The following CTNND2 variants were observed in gnomAD, a reference collection of about 807,000 sequenced individuals.
CTNND2 encodes the protein catenin delta 2.
In CTNND2, 22 loss-of-function variants were observed where a neutral mutation model predicts 144.4. The ratio of observed to expected loss-of-function variants is 0.15; its 90% confidence interval spans 0.11 to 0.22. The LOEUF is 0.22. CTNND2 is among the 10% of genes least tolerant of loss of function. The pLI, the probability that CTNND2 is intolerant of heterozygous loss-of-function variation, is 1.00. For missense variants in CTNND2, 1,353 were observed against 1,618.8 expected (o/e 0.84, Z 2.82); for synonymous variants, 751 against 695.6 (o/e 1.08, Z -1.25).
intron 16 of CTNND2, among the ~76,000 whole-genome samples, chr5:11,061,716 C>CT (rs562338338): frequency 2.4e-4 from 36 of 148,678 alleles, no homozygotes; most frequent in Admixed American, 6.1e-4. Flanking sequence ...TTTTCTTTCT[C>CT]TTTTTTTTTT....
intron 9 of CTNND2, among the ~76,000 whole-genome samples, chr5:11,331,191 T>A (rs1483069228): frequency 6.6e-6 from 1 of 152,212 alleles, no homozygotes; most frequent in African/African-American, 2.4e-5. Context: ...TATAGCAGAC[T>A]TCTTTGTCAA....
chr5:11,132,400 C>G (rs749825587), intron 12 of CTNND2, among the ~76,000 whole-genome samples: 1 of 152,186 alleles, frequency 6.6e-6, no homozygotes, highest in African/African-American at 2.4e-5. Context: ...TTACTGAGGA[C>G]TTTGGGAGAT....
At chr5:11,141,183 G>A (rs2149734806) in intron 12 of CTNND2, among the ~76,000 whole-genome samples, 1 of 152,298 alleles carries the variant, frequency 6.6e-6, no homozygotes, top group South Asian at 2.1e-4. Context: ...TGAGCTCTTG[G>A]ACTCAAGCAA....
At chr5:11,451,629 C>T (rs942304749) in intron 3 of CTNND2, among the ~76,000 whole-genome samples, 1 of 152,092 alleles carries the variant, frequency 6.6e-6, no homozygotes, top group Non-Finnish European at 1.5e-5. Flanking sequence ...CCAAGCATTT[C>T]GGATAAATGA....
intron 16 of CTNND2, among the ~76,000 whole-genome samples, chr5:11,039,789 C>T (rs923855239): frequency 6.6e-6 from 1 of 152,116 alleles, no homozygotes; most frequent in African/African-American, 2.4e-5. Context: ...AGGCCAGGCA[C>T]AGTAGCTCAC....
chr5:11,390,883 C>T (rs1324626129), intron 6 of CTNND2, among the ~76,000 whole-genome samples: 1 of 152,182 alleles, frequency 6.6e-6, no homozygotes, highest in Admixed American at 6.5e-5. Flanking sequence ...ATAATATTGG[C>T]TGGTGGCACC....
At chr5:11,818,854 G>A (rs1793159190) in intron 1 of CTNND2, among the ~76,000 whole-genome samples, 1 of 152,210 alleles carries the variant, frequency 6.6e-6, no homozygotes, top group African/African-American at 2.4e-5. Flanking sequence ...GTCAACTCTG[G>A]TTTTGGATTA....
chr5:11,861,914 T>C (rs1324859467), intron 1 of CTNND2, among the ~76,000 whole-genome samples: 1 of 152,198 alleles, frequency 6.6e-6, no homozygotes, highest in East Asian at 1.9e-4. Flanking sequence ...CATCCCTATC[T>C]TGTTGAAATA....
intron 1 of CTNND2, among the ~76,000 whole-genome samples, chr5:11,843,577 C>G (rs985881076): frequency 6.6e-6 from 1 of 152,146 alleles, no homozygotes; most frequent in Non-Finnish European, 1.5e-5. Flanking sequence ...AGTAGCAAGA[C>G]TGTCAACAGA....
intron 2 of CTNND2, among the ~76,000 whole-genome samples, chr5:11,705,994 G>A (rs1785673301): frequency 6.6e-6 from 1 of 152,192 alleles, no homozygotes; most frequent in African/African-American, 2.4e-5. Flanking sequence ...CACATGGCAA[G>A]GAATTATGAG....
At chr5:11,280,551 G>A (rs764032799) in intron 9 of CTNND2, among the ~76,000 whole-genome samples, 1 of 152,148 alleles carries the variant, frequency 6.6e-6, no homozygotes, top group Non-Finnish European at 1.5e-5. Context: ...TTAGTTCTGC[G>A]ATATCAGAGC....
chr5:11,085,472 G>T (rs1373701871), intron 15 of CTNND2, among the ~76,000 whole-genome samples: 1 of 152,178 alleles, frequency 6.6e-6, no homozygotes, highest in Non-Finnish European at 1.5e-5. Flanking sequence ...TTTCTCGCTT[G>T]TGTCAGGAAA....
rs1383024658 is a variant in CTNND2 at position 11,131,776 on chromosome 5, G to A, written c.2160-14209C>T. On this transcript the variant is annotated intron_variant, in intron 12 of 21. Transcript: ENST00000304623. The stretch of plus-strand genomic sequence containing the variant: ...TGCACTCCAGCCTGGGCGATAGAGC[G>A]AGACTGCGTCTCAAAAAAAAAAACA... Among the ~76,000 whole-genome samples, 8 of 151,968 alleles carry A rather than the reference G, an allele frequency of 5.3e-5. No individual in the cohort carries two copies. In the East Asian group the frequency reaches 1.2e-3, roughly 22 times the overall value.
intron 2 of CTNND2, among the ~76,000 whole-genome samples, chr5:11,658,363 A>C (rs1038400851): frequency 6.6e-6 from 1 of 152,112 alleles, no homozygotes; most frequent in Admixed American, 6.6e-5. Context: ...AGCAAGATGA[A>C]GAACTAAATC....
At chr5:11,100,230 A>G (rs1179780320) in intron 14 of CTNND2, among the ~76,000 whole-genome samples, 8 of 152,230 alleles carry the variant, frequency 5.3e-5, no homozygotes, top group Non-Finnish European at 1.0e-4. Flanking sequence ...AGCTTAGTTT[A>G]AGTCAAGGGT....
At chr5:11,816,552 C>T (rs1792672630) in intron 1 of CTNND2, among the ~76,000 whole-genome samples, 1 of 145,678 alleles carries the variant, frequency 6.9e-6, no homozygotes, top group South Asian at 2.3e-4. Flanking sequence ...TCCTTAAGGC[C>T]CTCTCCCCTT....
chr5:11,241,234 G>C (rs1345387822), intron 9 of CTNND2, among the ~76,000 whole-genome samples: 2 of 152,114 alleles, frequency 1.3e-5, no homozygotes, highest in African/African-American at 4.8e-5. Context: ...TGCCTCCATC[G>C]CATCTCACAA....
intron 1 of CTNND2, among the ~76,000 whole-genome samples, chr5:11,835,545 T>C (rs991919613): frequency 3.3e-5 from 5 of 152,184 alleles, no homozygotes; most frequent in Non-Finnish European, 7.4e-5. Context: ...TGTTGGTAGT[T>C]TGTGTTTCTT....
chr5:11,346,275 T>A, intron 9 of CTNND2, 97 bp downstream of exon 9: 2 of 1,213,772 alleles, frequency 1.6e-6, no homozygotes, highest in Non-Finnish European at 2.2e-6. Context: ...CCTTTAATAG[T>A]CAGTGACATA....
Sources: allele counts gnomAD v4.1 joint callset (sites outside exome capture counted in the v4.1 genomes callset), GRCh38; gene constraint gnomAD v4.1.1; transcripts MANE v1.5; gene names NCBI Gene and HGNC (gene_info 2026-07-23, HGNC 2026-07-21).